DNER: variants seen among roughly 807,000 people sequenced by gnomAD.
DNER encodes delta/notch like EGF repeat containing, also known as delta and Notch-like epidermal growth factor-related receptor.
Under a neutral mutation model 78.2 loss-of-function variants are expected in DNER, and 33 were observed. The observed-to-expected ratio is 0.42, with a 90% CI of 0.32 to 0.56. The LOEUF (loss-of-function observed/expected upper bound fraction) is 0.56. Among genes scored for constraint, DNER ranks in the 20% least tolerant of loss-of-function variants. DNER has a pLI of 0.11. For synonymous variants in DNER, 417 were observed against 384.8 expected (o/e 1.08, Z -0.98); for missense variants, 918 against 975.3 (o/e 0.94, Z 0.78).
At chr2:229,639,779 G>A (rs1698585728) in intron 1 of DNER, among the ~76,000 whole-genome samples, 1 of 152,156 alleles carries the variant, frequency 6.6e-6, no homozygotes, top group South Asian at 2.1e-4. Context: ...GGGCCAGGAA[G>A]TCAAGATAGG....
intron 10 of DNER, among the ~76,000 whole-genome samples, chr2:229,393,225 C>T (rs914300873): frequency 3.3e-5 from 5 of 151,812 alleles, no homozygotes; most frequent in South Asian, 2.1e-4. Context: ...GTCAGGAGTT[C>T]GAGACTAGCC....
Position 229,512,371 on chromosome 2 carries a change from ACT to A in DNER, c.1147+410_1147+411del, listed in dbSNP as rs543466322. 6.4e-3 allele frequency among the ~76,000 whole-genome samples: 670 copies of A among 105,212 alleles called. 4 individuals are homozygous for A. The highest frequency in any genetic ancestry group is 0.023 in the African/African-American group (645 of 28,058). 69.0% of individuals were successfully genotyped at this position (105,212 alleles called of 152,430 possible). Reference sequence around the variant, plus strand: ...GCACTCCAGACTGGGAAAGAGTGAGACTCTGTCTCAAAAAAAAAAAAAAAATT... The same window carrying A: ...GCACTCCAGACTGGGAAAGAGTGAGACTGTCTCAAAAAAAAAAAAAAAATT... On this transcript the variant is annotated intron_variant, in intron 6 of 12. Coordinates refer to ENST00000341772, the MANE Select transcript of DNER (RefSeq NM_139072.4).
At chr2:229,381,730 T>C (rs1692741446) in intron 11 of DNER, among the ~76,000 whole-genome samples, 2 of 152,136 alleles carry the variant, frequency 1.3e-5, no homozygotes, top group Non-Finnish European at 2.9e-5. Flanking sequence ...CTCTCTAGAT[T>C]CCTCCTCTCT....
chr2:229,611,922 G>C (rs751921996), intron 1 of DNER, among the ~76,000 whole-genome samples: 1 of 152,156 alleles, frequency 6.6e-6, no homozygotes, highest in Admixed American at 6.5e-5. Flanking sequence ...CCTTTTCTTC[G>C]ATATGCAGGT....
chr2:229,491,725 T>C (rs1233619328), intron 6 of DNER, among the ~76,000 whole-genome samples: 1 of 152,180 alleles, frequency 6.6e-6, no homozygotes, highest in African/African-American at 2.4e-5. Context: ...CACTCCTTGA[T>C]GTCTGACAGC....
At chr2:229,388,177 C>A in intron 11 of DNER, 88 bp downstream of exon 11, 1 of 1,490,926 alleles carries the variant, frequency 6.7e-7, no homozygotes, top group South Asian at 1.3e-5. Flanking sequence ...GCTTTCTGGT[C>A]ACAGTCGGCA....
rs531869193 is a variant in DNER, at chr2:229,409,349, C to G, written c.1610-2004G>C. ...TTGTAGTGGGAAATACGGCCACCAC[C>G]AAAGTTCAGAGGTGCCTGAAGCCTA... is the stretch of plus-strand genomic sequence containing the variant. On this transcript the variant is annotated intron_variant, in intron 9 of 12. Coordinates refer to ENST00000341772, the MANE Select transcript of DNER (RefSeq NM_139072.4). Among the ~76,000 whole-genome samples the G allele has an allele frequency of 1.1e-4, 16 of 152,286 alleles. No homozygotes were observed. The South Asian group carries it at 2.7e-3, about 26-fold the overall frequency.
chr2:229,630,482 TAATAATAATAATAA>T (rs1461823556), intron 1 of DNER, among the ~76,000 whole-genome samples: 1 of 75,594 alleles, frequency 1.3e-5, no homozygotes, highest in Non-Finnish European at 2.4e-5. Context: ...CATCTCAAAA[TAATAATAATAATAA>T]TAATAATAAT....
At chr2:229,687,235 T>C (rs1699498003) in intron 1 of DNER, among the ~76,000 whole-genome samples, 2 of 151,898 alleles carry the variant, frequency 1.3e-5, no homozygotes, top group Admixed American at 1.3e-4. Context: ...TTTTGATGAA[T>C]ATCTCTGTTT....
intron 8 of DNER, among the ~76,000 whole-genome samples, chr2:229,438,349 G>A (rs375561959): frequency 6.6e-6 from 1 of 152,200 alleles, no homozygotes; most frequent in African/African-American, 2.4e-5. Flanking sequence ...CTGGAATCTT[G>A]TTCTTGTGAT....
rs1309781714 is a variant in DNER, at chr2:229,554,937, G to A, written c.848-7845C>T. On this transcript the variant is annotated intron_variant, in intron 4 of 12. Transcript: ENST00000341772. ...GAAGAGAAGAGAAGAGAAGAGAAGA[G>A]AGAAAAGGGAAGGGAAGGGAAGGGA... is the stretch of plus-strand genomic sequence containing the variant. Among the ~76,000 whole-genome samples, 287 of 32,272 alleles carry A rather than the reference G, an allele frequency of 8.9e-3. 3 individuals carry two copies. The highest frequency in any genetic ancestry group is 0.015 in the Admixed American group (34 of 2,314). 21.2% of individuals were successfully genotyped at this position (32,272 alleles called of 152,430 possible).
intron 4 of DNER, among the ~76,000 whole-genome samples, chr2:229,550,138 A>G (rs1696703596): frequency 6.6e-6 from 1 of 151,268 alleles, no homozygotes; most frequent in African/African-American, 2.4e-5. Context: ...GATTACATAT[A>G]CGCGCCACCA....
rs373658350 is a variant in DNER at position 229,524,325 on chromosome 2, C to T, written c.994-11389G>A. The stretch of plus-strand genomic sequence containing the variant: ...ATTGTTTCCTGTTAGGCCTCACTTC[C>T]GTAATAGGAGAAAATAAAAGGAGAT... On this transcript the variant is annotated intron_variant, in intron 5 of 12. Coordinates refer to ENST00000341772, the MANE Select transcript of DNER (RefSeq NM_139072.4). Among the ~76,000 whole-genome samples the T allele has an allele frequency of 6.6e-5, 10 of 152,184 alleles. No homozygotes were observed. In the East Asian group the frequency reaches 7.7e-4, roughly 12 times the overall value.
At position 229,512,820 on chromosome 2, in the gene DNER, C is replaced by A. The variant is rs772516631; in HGVS notation, c.1110G>T (p.Lys370Asn). 8.1e-6 allele frequency: 13 copies of A among 1,614,032 alleles called. No individual in the cohort carries two copies. In the African/African-American group the frequency reaches 1.6e-4, roughly 20 times the overall value. ...NNASCIDANE[K>N]QDGSNFTCVC... ...CACAGGTGAAATTGCTCCCATCTTG[C>A]TTTTCATTTGCATCAATACAGCTCG... Residue 370 changes from lysine to asparagine, a missense_variant, in exon 6 of 13, where the codon AAG (lysine) becomes AAT (asparagine). By Grantham distance (94) the Lys-to-Asn change is moderately conservative. Transcript: ENST00000341772.
intron 6 of DNER, among the ~76,000 whole-genome samples, chr2:229,486,581 G>A (rs1695280333): frequency 1.3e-5 from 2 of 152,114 alleles, no homozygotes; most frequent in Admixed American, 1.3e-4. Context: ...CCCTCATGGA[G>A]GAATTAAAGA....
At chr2:229,587,459 C>T (rs1448620901) in intron 3 of DNER, among the ~76,000 whole-genome samples, 3 of 152,034 alleles carry the variant, frequency 2.0e-5, no homozygotes. Context: ...CAAAGTCCCT[C>T]TTCCAAACAT....
chr2:229,619,723 T>C (rs910294829), intron 1 of DNER, among the ~76,000 whole-genome samples: 1 of 152,214 alleles, frequency 6.6e-6, no homozygotes, highest in Non-Finnish European at 1.5e-5. Flanking sequence ...AAACTTCAGG[T>C]ATCTGGGAAA....
intron 8 of DNER, among the ~76,000 whole-genome samples, chr2:229,437,948 C>T (rs1462100198): frequency 2.0e-5 from 3 of 152,142 alleles, no homozygotes; most frequent in Non-Finnish European, 4.4e-5. Context: ...AGAGAAACTA[C>T]CTAGGCTGAA....
intron 7 of DNER, among the ~76,000 whole-genome samples, chr2:229,474,536 C>T (rs545060960): frequency 6.6e-6 from 1 of 152,042 alleles, no homozygotes; most frequent in African/African-American, 2.4e-5. Context: ...GGTGTGCCAC[C>T]GGATAAAGGA....
Sources: allele counts gnomAD v4.1 joint callset (sites outside exome capture counted in the v4.1 genomes callset), GRCh38; gene constraint gnomAD v4.1.1; transcripts MANE v1.5; gene names NCBI Gene and HGNC (gene_info 2026-07-23, HGNC 2026-07-21).